Variants in SLIT3 observed in about 807,000 individuals in gnomAD.
SLIT3 encodes the protein slit homolog 3 protein.
In SLIT3, 68 loss-of-function variants were observed where a neutral mutation model predicts 184.0. That is an observed-to-expected ratio of 0.37 (90% CI 0.30 to 0.45). The LOEUF is 0.45. Ranked by LOEUF, SLIT3 falls within the 20% of genes least tolerant of loss-of-function variation. SLIT3 has a pLI of 1.00. For synonymous variants in SLIT3, 831 were observed against 828.6 expected (o/e 1.00, Z -0.05); for missense variants, 1,707 against 2,026.0 (o/e 0.84, Z 3.02).
intron 6 of SLIT3, among the ~76,000 whole-genome samples, chr5:168,832,146 C>A (rs531123902): frequency 1.3e-5 from 2 of 152,348 alleles, no homozygotes; most frequent in African/African-American, 4.8e-5. Context: ...TGGCCTTGGT[C>A]TCCCAATTCT....
intron 10 of SLIT3, among the ~76,000 whole-genome samples, chr5:168,793,592 T>G (rs1756462133): frequency 6.6e-6 from 1 of 152,234 alleles, no homozygotes; most frequent in Admixed American, 6.5e-5. Context: ...GTCTTATGAA[T>G]TTTGAATGCA....
At chr5:168,822,799 A>G (rs1757575856) in intron 7 of SLIT3, among the ~76,000 whole-genome samples, 1 of 152,164 alleles carries the variant, frequency 6.6e-6, no homozygotes, top group South Asian at 2.1e-4. Context: ...CTGGGTGGAG[A>G]GAAGGAGTGA....
At position 168,895,990 on chromosome 5, in the gene SLIT3, T is replaced by C. The variant is rs1760646648; in HGVS notation, c.414-12654A>G. Among the ~76,000 whole-genome samples, 3 of 152,266 alleles carry C rather than the reference T, an allele frequency of 2.0e-5. No homozygotes were observed. The South Asian group carries it at 6.2e-4, about 32-fold the overall frequency. On this transcript the variant is annotated intron_variant, in intron 4 of 35. Transcript: ENST00000519560. Reference sequence around the variant, plus strand: ...GCCACTAGTCTCGTGCCAAATAGAATCAACTCCCCTGTCCCCAGCAAAGAG... The same window carrying C: ...GCCACTAGTCTCGTGCCAAATAGAACCAACTCCCCTGTCCCCAGCAAAGAG...
intron 4 of SLIT3, among the ~76,000 whole-genome samples, chr5:169,166,418 G>A (rs139006343): frequency 2.0e-5 from 3 of 152,280 alleles, no homozygotes; most frequent in Admixed American, 2.0e-4. Flanking sequence ...TTGAGCAATG[G>A]GGGAGTGGGC....
intron 3 of SLIT3, among the ~76,000 whole-genome samples, chr5:169,213,602 C>A (rs1262930104): frequency 6.6e-6 from 1 of 152,184 alleles, no homozygotes; most frequent in African/African-American, 2.4e-5. Flanking sequence ...CTTGACCATC[C>A]CATTAAAACT....
rs1758345625 is a variant in SLIT3, at chr5:168,843,595, C to T, written c.557+989G>A. Among the ~76,000 whole-genome samples, 3 of 152,278 alleles carry T rather than the reference C, an allele frequency of 2.0e-5. No homozygotes were observed. The South Asian group carries it at 6.2e-4, about 32-fold the overall frequency. ...CATTTTACAAATGAGGAAACTGAGG[C>T]TCCCAGAGCCGAAGAGACTTGCCCA... On this transcript the variant is annotated intron_variant, in intron 6 of 35. Transcript: ENST00000519560.
chr5:168,864,177 C>T (rs1161507912), intron 5 of SLIT3, among the ~76,000 whole-genome samples: 4 of 152,086 alleles, frequency 2.6e-5, no homozygotes, highest in African/African-American at 9.7e-5. Context: ...CCAGCCCGGC[C>T]GACAAAGTGA....
At chr5:169,018,193 C>T (rs74317241) in intron 4 of SLIT3, among the ~76,000 whole-genome samples, 9,883 of 152,212 alleles carry the variant, frequency 0.065, 1,059 homozygotes, top group African/African-American at 0.22. Flanking sequence ...GGGGATGCCC[C>T]CAAACCCACA....
chr5:168,671,453 A>G lies in SLIT3; in HGVS notation c.3872T>C (p.Leu1291Ser). ...TAGAGGCCGGTCCGTGCCCTGGCGC[A>G]AGGCAGAGAGGCCGGTGGAGGTGGG... ...GIPTSTGLSA[L>S]RQGTDRPLGG... The change falls in exon 34 of 36, where the codon TTG (leucine) becomes TCG (serine). Residue 1291 changes from leucine to serine, a missense_variant. Leu to Ser is a moderately radical substitution (Grantham distance 145). Transcript: ENST00000519560. 1 of 1,612,958 alleles carries G rather than the reference A, an allele frequency of 6.2e-7. No individual in the cohort carries two copies. The highest frequency in any genetic ancestry group is 8.5e-7 in the Non-Finnish European group (1 of 1,179,718).
At chr5:169,069,165 TTGAGGAAAG>T (rs1279591256) in intron 4 of SLIT3, among the ~76,000 whole-genome samples, 3 of 152,134 alleles carry the variant, frequency 2.0e-5, no homozygotes, top group Admixed American at 1.3e-4. Flanking sequence ...CAATTTACAG[TTGAGGAAAG>T]TGAGTTTGGC....
intron 4 of SLIT3, among the ~76,000 whole-genome samples, chr5:169,127,127 ACACT>A (rs1362832570): frequency 6.6e-6 from 1 of 152,214 alleles, no homozygotes; most frequent in African/African-American, 2.4e-5. Context: ...GGTACCTCTC[ACACT>A]CAGTCATCAT....
chr5:168,711,904 C>A (rs1762571777), intron 24 of SLIT3, among the ~76,000 whole-genome samples: 1 of 152,144 alleles, frequency 6.6e-6, no homozygotes, highest in South Asian at 2.1e-4. Context: ...TCAAGGCAAA[C>A]CTAGATCTGA....
At chr5:169,208,855 C>T (rs976208386) in intron 3 of SLIT3, among the ~76,000 whole-genome samples, 1 of 152,078 alleles carries the variant, frequency 6.6e-6, no homozygotes, top group Admixed American at 6.6e-5. Context: ...AAAAACCCTA[C>T]AAGAAAACCT....
intron 4 of SLIT3, among the ~76,000 whole-genome samples, chr5:169,153,069 C>T (rs1004230654): frequency 6.6e-6 from 1 of 152,186 alleles, no homozygotes; most frequent in African/African-American, 2.4e-5. Context: ...GATTTCAATC[C>T]AGTTCACATT....
chr5:168,785,034 T>C (rs953878584), intron 12 of SLIT3, among the ~76,000 whole-genome samples: 1 of 152,052 alleles, frequency 6.6e-6, no homozygotes, highest in African/African-American at 2.4e-5. Flanking sequence ...GAGTCATGTA[T>C]CTCTCCGAGA....
At chr5:168,944,161 A>G (rs1762407898) in intron 4 of SLIT3, among the ~76,000 whole-genome samples, 1 of 152,146 alleles carries the variant, frequency 6.6e-6, no homozygotes, top group Admixed American at 6.5e-5. Flanking sequence ...TTTTGTAATT[A>G]TTCTTACTCT....
intron 3 of SLIT3, among the ~76,000 whole-genome samples, chr5:169,224,146 G>T (rs77965993): frequency 0.036 from 5,550 of 152,184 alleles, 363 homozygotes; most frequent in African/African-American, 0.13. Context: ...AGCTCACTGG[G>T]TCCTTTTTTT....
chr5:169,036,420 C>A (rs1375806242), intron 4 of SLIT3: 2 of 152,166 alleles, frequency 1.3e-5, no homozygotes, highest in Admixed American at 6.5e-5. Flanking sequence ...AAACCACCCT[C>A]CAATTATGCA....
chr5:168,824,207 G>A (rs575923673), intron 6 of SLIT3, among the ~76,000 whole-genome samples: 1 of 152,312 alleles, frequency 6.6e-6, no homozygotes, highest in South Asian at 2.1e-4. Context: ...CCAAAGTGCT[G>A]GGATTACAGG....
Sources: allele counts gnomAD v4.1 joint callset (sites outside exome capture counted in the v4.1 genomes callset), GRCh38; gene constraint gnomAD v4.1.1; transcripts MANE v1.5; gene names NCBI Gene and HGNC (gene_info 2026-07-23, HGNC 2026-07-21).